The following MAP3K20 variants were observed in gnomAD, a reference collection of about 807,000 sequenced individuals.
The protein encoded by MAP3K20 is mitogen-activated protein kinase kinase kinase 20, also known as HCCS-4.
MAP3K20 carries 40 observed loss-of-function variants against 85.7 expected under a neutral mutation model. The ratio of observed to expected loss-of-function variants is 0.47; its 90% CI spans 0.36 to 0.61. The LOEUF is 0.61. Ranked by LOEUF, MAP3K20 falls within the 20% of genes least tolerant of loss-of-function variation. MAP3K20 has a pLI of 0.00. For missense variants in MAP3K20, 817 were observed against 961.7 expected (o/e 0.85, Z 1.99); for synonymous variants, 325 against 327.7 (o/e 0.99, Z 0.09).
chr2:173,080,153 A>G (rs558388611), intron 1 of MAP3K20, among the ~76,000 whole-genome samples: 2 of 152,300 alleles, frequency 1.3e-5, no homozygotes, highest in African/African-American at 4.8e-5. Context: ...CTTTATTACA[A>G]TCTTATGGGA....
At chr2:173,237,018 C>CTTTTTTTT (rs1388150311) in intron 14 of MAP3K20, among the ~76,000 whole-genome samples, 1 of 119,908 alleles carries the variant, frequency 8.3e-6, no homozygotes, top group Non-Finnish European at 1.7e-5. Context: ...AGTATATCCA[C>CTTTTTTTT]CTTTTTTTTT....
intron 1 of MAP3K20, among the ~76,000 whole-genome samples, chr2:173,079,890 CTTT>C (rs1211064426): frequency 2.9e-5 from 4 of 140,242 alleles, no homozygotes; most frequent in Non-Finnish European, 3.1e-5. Context: ...AGTTAATTTT[CTTT>C]TTTTTTTTTT....
intron 3 of MAP3K20, among the ~76,000 whole-genome samples, chr2:173,170,999 T>C (rs1689983856): frequency 1.3e-5 from 2 of 152,238 alleles, no homozygotes; most frequent in Non-Finnish European, 2.9e-5. Flanking sequence ...TAACATGCTT[T>C]TACTCTTAGT....
At chr2:173,239,581 C>A in intron 16 of MAP3K20, 85 bp downstream of exon 16, 1 of 1,177,230 alleles carries the variant, frequency 8.5e-7, no homozygotes, top group Non-Finnish European at 1.2e-6. Flanking sequence ...TTATACACCC[C>A]CTACCAGCTG....
intron 10 of MAP3K20, chr2:173,211,996 T>C (rs1559281583): frequency 6.6e-6 from 1 of 152,240 alleles, no homozygotes; most frequent in Non-Finnish European, 1.5e-5. Context: ...CAATCACGTT[T>C]GTTCATCACT....
intron 16 of MAP3K20, among the ~76,000 whole-genome samples, chr2:173,241,161 T>C (rs1368861298): frequency 1.3e-5 from 2 of 152,188 alleles, no homozygotes; most frequent in Admixed American, 6.5e-5. Context: ...ATAAGATCTA[T>C]TATTTGATAG....
In MAP3K20 at chr2:173,205,119, A is replaced by AC. The variant is rs778277946; in HGVS notation, c.744+1249_744+1250insC. Reference sequence around the variant, plus strand: ...CTCTGTCTCAAAAAAAAAAAAAAAAAAAATAAATAAATAAAATAAAACATA... The same window carrying AC: ...CTCTGTCTCAAAAAAAAAAAAAAAAACAAATAAATAAATAAAATAAAACATA... On this transcript the variant is annotated intron_variant, in intron 9 of 19. Transcript: ENST00000375213. 1.7e-3 allele frequency among the ~76,000 whole-genome samples: 236 copies of AC among 139,544 alleles called. 10 individuals carry two copies. Among genetic ancestry groups the AC allele is most frequent in the South Asian group, 3.4e-3 (15 of 4,416 alleles). The allele number at this position is 139,544 out of a possible 152,430, so 91.5% of individuals were successfully genotyped here.
intron 3 of MAP3K20, 27 bp from the exon 4 acceptor site, chr2:173,182,825 TTA>T: frequency 6.9e-7 from 1 of 1,447,492 alleles, no homozygotes; most frequent in Non-Finnish European, 9.4e-7. Flanking sequence ...TTGATTTTAA[TTA>T]TATGCTTATC....
At chr2:173,121,544 G>A (rs1030820064) in intron 2 of MAP3K20, among the ~76,000 whole-genome samples, 3 of 151,882 alleles carry the variant, frequency 2.0e-5, no homozygotes, top group South Asian at 4.2e-4. Context: ...CCGCCACCAC[G>A]CCCGGCTAAT....
At chr2:173,254,259 C>CA (rs61332246) in intron 16 of MAP3K20, among the ~76,000 whole-genome samples, 51,259 of 145,898 alleles carry the variant, frequency 0.35, 10,917 homozygotes, top group Non-Finnish European at 0.49. Context: ...CCTAAAAATA[C>CA]AAAAAAAAAA....
rs927965750 is a variant in MAP3K20, at chr2:173,221,750, A to C, written c.987+4500A>C. 1.7e-5 allele frequency: 21 copies of C among 1,247,850 alleles called. 1 individual carries two copies. The East Asian group carries it at 4.3e-4, about 26-fold the overall frequency. The allele number at this position is 1,247,850 out of a possible 1,614,324, so 77.3% of individuals were successfully genotyped here. ...AGCCAAAGAAGTATATTTATGAATC[A>C]GCAAATGTGGTGCCTGATTATAGAA... On this transcript the variant is annotated intron_variant, in intron 11 of 19. Coordinates refer to ENST00000375213, the MANE Select transcript of MAP3K20 (RefSeq NM_016653.3).
chr2:173,195,210 G>T (rs1445730273), intron 7 of MAP3K20, among the ~76,000 whole-genome samples: 2 of 133,570 alleles, frequency 1.5e-5, no homozygotes, highest in African/African-American at 5.6e-5. Context: ...AAAAAAAAAA[G>T]CTATTCTAAT....
At chr2:173,093,549 G>C (rs1015547670) in intron 2 of MAP3K20, among the ~76,000 whole-genome samples, 2 of 151,600 alleles carry the variant, frequency 1.3e-5, no homozygotes, top group African/African-American at 4.9e-5. Flanking sequence ...TGTTTTAGTG[G>C]GTATACTACT....
At chr2:173,208,284 C>T (rs187163374) in intron 9 of MAP3K20, among the ~76,000 whole-genome samples, 33 of 151,654 alleles carry the variant, frequency 2.2e-4, no homozygotes, top group East Asian at 2.1e-3. Flanking sequence ...CTTTAGTCCC[C>T]GCTACTTGGG....
intron 11 of MAP3K20, 79 bp downstream of exon 11, chr2:173,217,329 T>TCCCC: frequency 7.5e-7 from 1 of 1,337,210 alleles, no homozygotes; most frequent in Non-Finnish European, 9.7e-7. Context: ...TGGCACCTCT[T>TCCCC]CCCCTGCCTC....
intron 19 of MAP3K20, among the ~76,000 whole-genome samples, chr2:173,265,485 A>G (rs2106360464): frequency 6.6e-6 from 1 of 152,302 alleles, no homozygotes; most frequent in Admixed American, 6.5e-5. Context: ...GGACACGTGA[A>G]CGGTCTTTCT....
chr2:173,232,078 G>A, intron 12 of MAP3K20, 114 bp from the exon 13 acceptor site: 1 of 1,319,236 alleles, frequency 7.6e-7, no homozygotes, highest in Admixed American at 1.8e-5. Flanking sequence ...TACCTTTGTG[G>A]TTGAGCCAGG....
chr2:173,266,061 CA>C lies in MAP3K20; in HGVS notation c.1715del (p.Gln572ArgfsTer3). On this transcript the variant is annotated frameshift_variant, in exon 20 of 20. Coordinates refer to ENST00000375213, the MANE Select transcript of MAP3K20 (RefSeq NM_016653.3). LOFTEE classifies it low-confidence loss of function (END_TRUNC). ...CATTTCTCCCGCAGGTGCTGATTGCCAGTGGTTAGATACTCTGAGGATGCGG... is the reference window on the plus strand; with the variant it reads ...CATTTCTCCCGCAGGTGCTGATTGCCGTGGTTAGATACTCTGAGGATGCGG... The part of the protein sequence containing the change: ...GSRSDSSADC[Q>X]WLDTLRMRQI... 6.4e-7 allele frequency: 1 copy of C among 1,569,554 alleles called. No homozygotes were observed. Among genetic ancestry groups the C allele is most frequent in the South Asian group, 1.2e-5 (1 of 86,308 alleles).
chr2:173,127,059 G>T (rs1688465747), intron 2 of MAP3K20, among the ~76,000 whole-genome samples: 1 of 152,142 alleles, frequency 6.6e-6, no homozygotes, highest in Non-Finnish European at 1.5e-5. Flanking sequence ...CTAGCATTAT[G>T]ACCATTCAAT....
Sources: gnomAD v4.1 joint callset for allele counts (sites outside exome capture counted in the v4.1 genomes callset) on GRCh38, gnomAD v4.1.1 for gene constraint, MANE v1.5 for transcripts, NCBI Gene and HGNC (gene_info 2026-07-23, HGNC 2026-07-21) for gene names.